Variants in IL1RAPL2 observed in about 807,000 individuals in gnomAD.
IL1RAPL2 encodes X-linked interleukin-1 receptor accessory protein-like 2.
In IL1RAPL2, 3 loss-of-function variants were observed where a neutral mutation model predicts 44.1. The observed-to-expected ratio is 0.07, with a 90% CI of 0.03 to 0.18. The LOEUF (loss-of-function observed/expected upper bound fraction) is 0.18, where lower values mean the gene tolerates loss of function less well. Ranked by LOEUF, IL1RAPL2 falls within the 10% of genes least tolerant of loss-of-function variation. The pLI is 1.00. For missense variants in IL1RAPL2, 391 were observed against 496.4 expected (o/e 0.79, Z 2.02); for synonymous variants, 181 against 178.8 (o/e 1.01, Z -0.10).
chrX:105,410,016 G>T (rs746807147), intron 5 of IL1RAPL2, among the ~76,000 whole-genome samples: 1 of 110,825 alleles, frequency 9.0e-6, no homozygotes, highest in South Asian at 3.8e-4. Context: ...ACACCTAGAG[G>T]TTTGGTTTGA....
At chrX:105,758,229 T>A (rs758084230) in intron 10 of IL1RAPL2, among the ~76,000 whole-genome samples, 1 of 111,760 alleles carries the variant, frequency 8.9e-6, no homozygotes, top group African/African-American at 3.2e-5. Context: ...TCATTCTTGA[T>A]CCACAACAAT....
chrX:105,299,944 C>G (rs1308978687), intron 5 of IL1RAPL2, among the ~76,000 whole-genome samples: 3 of 111,477 alleles, frequency 2.7e-5, no homozygotes, highest in Admixed American at 9.5e-5. Context: ...CTGGCTGTGT[C>G]TTGCTGACAA....
intron 5 of IL1RAPL2, among the ~76,000 whole-genome samples, chrX:105,384,599 T>G (rs1345083658): frequency 5.4e-5 from 6 of 111,428 alleles, no homozygotes; most frequent in African/African-American, 1.6e-4. Context: ...CTGGGTCTTT[T>G]GTGGTTCCAT....
chrX:105,352,758 G>A (rs1203711711), intron 5 of IL1RAPL2, among the ~76,000 whole-genome samples: 9 of 109,569 alleles, frequency 8.2e-5, no homozygotes, highest in Non-Finnish European at 1.5e-4. Flanking sequence ...CATATCCTTC[G>A]CCCACTTGTT....
intron 6 of IL1RAPL2, among the ~76,000 whole-genome samples, chrX:105,522,565 G>T (rs1284269698): frequency 2.7e-5 from 3 of 112,162 alleles, no homozygotes; most frequent in Non-Finnish European, 5.6e-5. Context: ...ATTTCAAGTT[G>T]TTCTGTGACT....
chrX:105,186,027 T>A (rs1257998563), intron 2 of IL1RAPL2, among the ~76,000 whole-genome samples: 3 of 112,078 alleles, frequency 2.7e-5, no homozygotes, highest in African/African-American at 9.7e-5. Context: ...ACTATTTACA[T>A]TGTATTAGGT....
chrX:104,654,213 A>G (rs1186425952), intron 1 of IL1RAPL2, among the ~76,000 whole-genome samples: 1 of 111,258 alleles, frequency 9.0e-6, no homozygotes, highest in Non-Finnish European at 1.9e-5. Context: ...AATACTGTTC[A>G]TTTAAAAATG....
chrX:104,913,527 G>C (rs1924314759), intron 2 of IL1RAPL2, among the ~76,000 whole-genome samples: 1 of 111,689 alleles, frequency 9.0e-6, no homozygotes, highest in Admixed American at 9.6e-5. Context: ...GCCACTAGAG[G>C]GAGGCTGATT....
intron 5 of IL1RAPL2, among the ~76,000 whole-genome samples, chrX:105,375,867 T>C (rs1411566104): frequency 8.9e-6 from 1 of 112,156 alleles, no homozygotes; most frequent in Admixed American, 9.5e-5. Context: ...GCCAACTGTT[T>C]CGTAAGTTTT....
intron 6 of IL1RAPL2, among the ~76,000 whole-genome samples, chrX:105,633,407 T>C (rs2037503957): frequency 9.0e-6 from 1 of 111,682 alleles, no homozygotes; most frequent in South Asian, 3.7e-4. Flanking sequence ...TTTGTTGAGT[T>C]TGTCTAATTG....
At chrX:105,564,528 C>T (rs2036961102) in intron 6 of IL1RAPL2, among the ~76,000 whole-genome samples, 1 of 112,094 alleles carries the variant, frequency 8.9e-6, no homozygotes, top group Non-Finnish European at 1.9e-5. Context: ...GGATTTTTCC[C>T]CCTCAGAAGC....
chrX:104,691,965 A>T (rs1258092586), intron 2 of IL1RAPL2, among the ~76,000 whole-genome samples: 2 of 111,737 alleles, frequency 1.8e-5, no homozygotes, highest in Non-Finnish European at 3.8e-5. Flanking sequence ...AAAGGAAAAC[A>T]ATGCCTAGTT....
At chrX:104,747,517 C>T (rs1028999194) in intron 2 of IL1RAPL2, among the ~76,000 whole-genome samples, 3 of 111,284 alleles carry the variant, frequency 2.7e-5, no homozygotes, top group Non-Finnish European at 5.7e-5. Context: ...TCAATTGCTT[C>T]CTGGAAGTAA....
chrX:104,915,127 C>T (rs1230139036), intron 2 of IL1RAPL2, among the ~76,000 whole-genome samples: 232 of 111,378 alleles, frequency 2.1e-3, no homozygotes, highest in South Asian at 6.1e-3. Flanking sequence ...TCTAGATCCC[C>T]GAGGAATCGC....
At chrX:104,898,515 T>G (rs192504230) in intron 2 of IL1RAPL2, among the ~76,000 whole-genome samples, 203 of 112,743 alleles carry the variant, frequency 1.8e-3, no homozygotes, top group Admixed American at 2.9e-3. Context: ...AGGCTGGGGT[T>G]AACCTTTTTC....
intron 2 of IL1RAPL2, among the ~76,000 whole-genome samples, chrX:104,967,400 TAACA>T (rs1569352973): frequency 2.7e-5 from 3 of 111,323 alleles, no homozygotes; most frequent in African/African-American, 6.5e-5. Context: ...CTTGTGAAAT[TAACA>T]AACTGATATA....
intron 2 of IL1RAPL2, among the ~76,000 whole-genome samples, chrX:105,055,154 C>A (rs1255766611): frequency 2.7e-5 from 3 of 111,997 alleles, no homozygotes; most frequent in Non-Finnish European, 5.6e-5. Context: ...GATCAAGGCA[C>A]TGGCAGATTT....
At chrX:105,065,765 G>T (rs1041566258) in intron 2 of IL1RAPL2, among the ~76,000 whole-genome samples, 5 of 111,919 alleles carry the variant, frequency 4.5e-5, no homozygotes, top group African/African-American at 9.7e-5. Context: ...TTGTTGTTTT[G>T]CAAGTTCCGC....
intron 5 of IL1RAPL2, among the ~76,000 whole-genome samples, chrX:105,425,618 C>T (rs1457930418): frequency 6.4e-5 from 7 of 108,820 alleles, no homozygotes; most frequent in Non-Finnish European, 1.1e-4. Context: ...TTTGCTGATT[C>T]GTGTAAGCAA....
Sources: gnomAD v4.1 joint callset for allele counts (sites outside exome capture counted in the v4.1 genomes callset) on GRCh38, gnomAD v4.1.1 for gene constraint, MANE v1.5 for transcripts, NCBI Gene and HGNC (gene_info 2026-07-23, HGNC 2026-07-21) for gene names.